KLRF1: variants seen among roughly 807,000 people sequenced by gnomAD.
KLRF1 encodes the protein killer cell lectin like receptor F1.
A neutral mutation model predicts 30.7 loss-of-function variants in KLRF1; 27 were observed. That is an observed-to-expected ratio of 0.88 (90% CI 0.65 to 1.21). The LOEUF (loss-of-function observed/expected upper bound fraction) is 1.21. KLRF1 is among the 50% of genes most tolerant of loss of function. The probability of loss-of-function intolerance (pLI) is 0.00; values close to 1 mark genes in which losing one functional copy is unlikely to be tolerated. For synonymous variants in KLRF1, 92 were observed against 89.3 expected (o/e 1.03, Z -0.17); for missense variants, 246 against 259.3 (o/e 0.95, Z 0.35).
intron 1 of KLRF1, among the ~76,000 whole-genome samples, chr12:9,827,873 T>G (rs1867316946): frequency 6.6e-6 from 1 of 152,240 alleles, no homozygotes; most frequent in Non-Finnish European, 1.5e-5. Flanking sequence ...TTCCTTCATT[T>G]AATCTTACAA....
At chr12:9,839,167 G>A (rs576867656) in intron 3 of KLRF1, among the ~76,000 whole-genome samples, 6 of 152,134 alleles carry the variant, frequency 3.9e-5, no homozygotes, top group East Asian at 1.9e-4. Flanking sequence ...TGGTGCCAGC[G>A]TGGTTGGGTT....
upstream of KLRF1, among the ~76,000 whole-genome samples, chr12:9,826,888 G>T (rs993552068): frequency 3.3e-5 from 5 of 152,148 alleles, no homozygotes; most frequent in Non-Finnish European, 5.9e-5. Flanking sequence ...AGGGTGAGAG[G>T]AGGGGCAGGA....
chr12:9,828,281 A>T (rs1395190545), intron 1 of KLRF1, among the ~76,000 whole-genome samples: 5 of 151,966 alleles, frequency 3.3e-5, no homozygotes, highest in Admixed American at 1.3e-4. Context: ...GGGTTTTACC[A>T]TGTTGGCCAG....
chr12:9,816,163 A>C, the KLRF1 span, among the ~76,000 whole-genome samples: 1 of 152,338 alleles, frequency 6.6e-6, no homozygotes, highest in South Asian at 2.1e-4. Flanking sequence ...TGCGGAGCCC[A>C]ACGTGCAACA....
At chr12:9,813,349 C>G in the KLRF1 span, among the ~76,000 whole-genome samples, 1 of 151,980 alleles carries the variant, frequency 6.6e-6, no homozygotes, top group African/African-American at 2.4e-5. Context: ...TTTCTGTAGC[C>G]AGGCTGGAGT....
At chr12:9,816,817 T>C in the KLRF1 span, among the ~76,000 whole-genome samples, 1 of 150,624 alleles carries the variant, frequency 6.6e-6, no homozygotes, top group Non-Finnish European at 1.5e-5. Flanking sequence ...CACTGCAATC[T>C]CCGCCTCTCA....
At chr12:9,824,010 A>C (rs969283518), upstream of KLRF1, among the ~76,000 whole-genome samples, 1 of 152,146 alleles carries the variant, frequency 6.6e-6, no homozygotes, top group African/African-American at 2.4e-5. Flanking sequence ...AACCAAAAAA[A>C]GCTCAGATGG....
intron 1 of KLRF1, among the ~76,000 whole-genome samples, chr12:9,831,566 G>A (rs985562232): frequency 6.6e-6 from 1 of 152,066 alleles, no homozygotes; most frequent in Admixed American, 6.6e-5. Context: ...AGGACAAAAT[G>A]TTTCACAAAG....
upstream of KLRF1, among the ~76,000 whole-genome samples, chr12:9,826,202 A>T (rs933150783): frequency 1.3e-5 from 2 of 152,110 alleles, no homozygotes; most frequent in Non-Finnish European, 1.5e-5. Context: ...TGCTGTAAAG[A>T]TTATTTCTTC....
chr12:9,826,352 A>G (rs747045885), upstream of KLRF1, among the ~76,000 whole-genome samples: 1 of 152,268 alleles, frequency 6.6e-6, no homozygotes, highest in East Asian at 1.9e-4. Context: ...TACCAGTCGA[A>G]TGGCTATTAT....
the KLRF1 span, chr12:9,817,444 C>T: frequency 6.9e-6 from 3 of 437,258 alleles, no homozygotes; most frequent in East Asian, 8.3e-5. Flanking sequence ...AGCTGTTAAA[C>T]AGGTCGTAGA....
At chr12:9,842,824 A>G (rs528112538) in intron 5 of KLRF1, among the ~76,000 whole-genome samples, 11 of 152,130 alleles carry the variant, frequency 7.2e-5, no homozygotes, top group Non-Finnish European at 1.3e-4. Flanking sequence ...AGATTATCCA[A>G]AAGTCTCTGA....
the KLRF1 span, among the ~76,000 whole-genome samples, chr12:9,805,868 G>C: frequency 6.6e-6 from 1 of 151,836 alleles, no homozygotes; most frequent in Non-Finnish European, 1.5e-5. Flanking sequence ...AAAGTCAGTA[G>C]TTATGTTCCC....
At chr12:9,840,376 TA>T (rs1168025674) in intron 3 of KLRF1, among the ~76,000 whole-genome samples, 2 of 152,008 alleles carry the variant, frequency 1.3e-5, no homozygotes, top group Non-Finnish European at 2.9e-5. Context: ...CGATAAAAAA[TA>T]AATAAAAAGA....
At chr12:9,831,365 C>G (rs139110046) in intron 1 of KLRF1, among the ~76,000 whole-genome samples, 2,168 of 152,206 alleles carry the variant, frequency 0.014, 34 homozygotes, top group South Asian at 0.027. Context: ...TAGGGTTCAT[C>G]ATGTGCTTTC....
At chr12:9,806,670 C>G in the KLRF1 span, among the ~76,000 whole-genome samples, 11 of 151,918 alleles carry the variant, frequency 7.2e-5, no homozygotes, top group Non-Finnish European at 1.3e-4. Context: ...TGTCTCAAGT[C>G]ATTTTTGTTT....
At chr12:9,829,616 C>T (rs1867365856) in intron 1 of KLRF1, among the ~76,000 whole-genome samples, 1 of 152,050 alleles carries the variant, frequency 6.6e-6, no homozygotes, top group Non-Finnish European at 1.5e-5. Context: ...AAAAATTAAT[C>T]AGTCATGGTG....
the KLRF1 span, among the ~76,000 whole-genome samples, chr12:9,821,896 C>T: frequency 6.6e-6 from 1 of 152,224 alleles, no homozygotes; most frequent in Non-Finnish European, 1.5e-5. Context: ...GCTTTAATAC[C>T]AAACTACTTC....
chr12:9,819,892 C>T, the KLRF1 span, among the ~76,000 whole-genome samples: 3 of 152,238 alleles, frequency 2.0e-5, no homozygotes, highest in African/African-American at 7.2e-5. Flanking sequence ...TTCCAGTTGA[C>T]AACACGTCTG....
Sources: gnomAD v4.1 joint callset for allele counts (sites outside exome capture counted in the v4.1 genomes callset) on GRCh38, gnomAD v4.1.1 for gene constraint, MANE v1.5 for transcripts, NCBI Gene and HGNC (gene_info 2026-07-23, HGNC 2026-07-21) for gene names.